The following C12orf54 variants were observed in gnomAD, a reference collection of about 807,000 sequenced individuals.
The protein encoded by C12orf54 is chromosome 12 open reading frame 54, also known as uncharacterized protein C12orf54.
In C12orf54, 24 loss-of-function variants were observed where a neutral mutation model predicts 26.4. That is an observed-to-expected ratio of 0.91 (90% CI 0.66 to 1.28). The LOEUF is 1.28. Ranked by LOEUF, C12orf54 falls within the 50% of genes most tolerant of loss-of-function variation. The pLI, the probability that C12orf54 is intolerant of heterozygous loss-of-function variation, is 0.00. For synonymous variants in C12orf54, 54 were observed against 47.0 expected (o/e 1.15, Z -0.61); for missense variants, 154 against 150.9 (o/e 1.02, Z -0.11).
At chr12:48,478,948 G>T (rs1954171865), upstream of C12orf54, among the ~76,000 whole-genome samples, 1 of 152,256 alleles carries the variant, frequency 6.6e-6, no homozygotes, top group African/African-American at 2.4e-5. Context: ...CCTTGTGGAA[G>T]TCAGTGTGGT....
intron 4 of C12orf54, chr12:48,487,927 G>A: frequency 3.2e-6 from 2 of 634,014 alleles, no homozygotes; most frequent in East Asian, 2.7e-5. Flanking sequence ...CCCTGGCCCT[G>A]GATCCTATAG....
chr12:48,438,437 ACAT>A, the C12orf54 span, among the ~76,000 whole-genome samples: 1 of 152,196 alleles, frequency 6.6e-6, no homozygotes, highest in African/African-American at 2.4e-5. Flanking sequence ...AAAAGAGCCC[ACAT>A]CATCAAGTCA....
At chr12:48,451,840 G>A in the C12orf54 span, among the ~76,000 whole-genome samples, 1 of 151,754 alleles carries the variant, frequency 6.6e-6, no homozygotes, top group East Asian at 1.9e-4. Flanking sequence ...AATCAGAAAT[G>A]GCACAAATAG....
At chr12:48,481,858 C>G (rs1341647071), upstream of C12orf54, among the ~76,000 whole-genome samples, 1 of 152,154 alleles carries the variant, frequency 6.6e-6, no homozygotes, top group African/African-American at 2.4e-5. Flanking sequence ...TGAGGCTGCT[C>G]CTCCAGGGGT....
the C12orf54 span, among the ~76,000 whole-genome samples, chr12:48,459,106 C>A: frequency 6.6e-5 from 10 of 152,252 alleles, no homozygotes; most frequent in African/African-American, 2.4e-4. Flanking sequence ...CCTTTTATTT[C>A]TTTACTTGCT....
the C12orf54 span, among the ~76,000 whole-genome samples, chr12:48,418,304 G>A: frequency 1.3e-5 from 2 of 152,166 alleles, no homozygotes; most frequent in Admixed American, 1.3e-4. Flanking sequence ...TCAATAAACG[G>A]CAAGGTAAGT....
upstream of C12orf54, among the ~76,000 whole-genome samples, chr12:48,477,513 G>T (rs1954155919): frequency 6.6e-6 from 1 of 152,036 alleles, no homozygotes; most frequent in South Asian, 2.1e-4. Flanking sequence ...GACTAATAAA[G>T]AAGAAAATAG....
At chr12:48,415,175 C>G in the C12orf54 span, among the ~76,000 whole-genome samples, 2 of 152,174 alleles carry the variant, frequency 1.3e-5, no homozygotes, top group Admixed American at 6.5e-5. Context: ...TGACCATATC[C>G]ATGAACACTC....
At chr12:48,475,590 A>G in the C12orf54 span, among the ~76,000 whole-genome samples, 12 of 152,246 alleles carry the variant, frequency 7.9e-5, no homozygotes, top group Admixed American at 5.9e-4. Context: ...CGAGAGCTAC[A>G]TGATGAATGC....
intron 4 of C12orf54, among the ~76,000 whole-genome samples, chr12:48,487,476 G>A (rs568662902): frequency 6.6e-6 from 1 of 152,128 alleles, no homozygotes; most frequent in Non-Finnish European, 1.5e-5. Context: ...GACATTCAAT[G>A]ACTCTTTACA....
chr12:48,462,452 AG>A, the C12orf54 span, among the ~76,000 whole-genome samples: 2 of 151,720 alleles, frequency 1.3e-5, no homozygotes, highest in African/African-American at 4.8e-5. Context: ...AAAACCAGAG[AG>A]CAATATCATT....
the C12orf54 span, among the ~76,000 whole-genome samples, chr12:48,453,209 C>A: frequency 6.6e-6 from 1 of 152,062 alleles, no homozygotes; most frequent in South Asian, 2.1e-4. Flanking sequence ...GAGCTGGAGA[C>A]CATTATCCTT....
At chr12:48,424,005 G>T in the C12orf54 span, among the ~76,000 whole-genome samples, 1 of 151,754 alleles carries the variant, frequency 6.6e-6, no homozygotes, top group Non-Finnish European at 1.5e-5. Context: ...ACAAGTTAAG[G>T]GTGTTCTCAT....
chr12:48,473,750 T>C, the C12orf54 span: 1 of 173,958 alleles, frequency 5.7e-6, no homozygotes, highest in African/African-American at 2.4e-5. Context: ...TGTTTCCTGG[T>C]ATTTTCCAAG....
the C12orf54 span, among the ~76,000 whole-genome samples, chr12:48,425,943 T>G: frequency 6.6e-6 from 1 of 151,038 alleles, no homozygotes; most frequent in Non-Finnish European, 1.5e-5. Flanking sequence ...TTTTTTTTTT[T>G]TTGTAAATTT....
the C12orf54 span, among the ~76,000 whole-genome samples, chr12:48,434,666 C>A: frequency 6.6e-6 from 1 of 152,176 alleles, no homozygotes; most frequent in Non-Finnish European, 1.5e-5. Flanking sequence ...TGGAGTGAAC[C>A]TCCAGGAAAC....
At chr12:48,486,430 G>A (rs1398878943) in intron 3 of C12orf54, 2 of 622,758 alleles carry the variant, frequency 3.2e-6, no homozygotes, top group East Asian at 2.7e-5. Flanking sequence ...AGGCTTACAG[G>A]CATTGAAAAG....
chr12:48,446,883 T>C, the C12orf54 span, among the ~76,000 whole-genome samples: 1 of 152,144 alleles, frequency 6.6e-6, no homozygotes, highest in African/African-American at 2.4e-5. Context: ...GTGGATACAT[T>C]TGACACAAAA....
the C12orf54 span, among the ~76,000 whole-genome samples, chr12:48,433,458 G>C: frequency 7.6e-4 from 84 of 110,364 alleles, 1 homozygote; most frequent in African/African-American, 2.9e-3. Context: ...TTTTTTTTGG[G>C]GGGGGGGGGG....
Sources: gnomAD v4.1 joint callset for allele counts (sites outside exome capture counted in the v4.1 genomes callset) on GRCh38, gnomAD v4.1.1 for gene constraint, MANE v1.5 for transcripts, NCBI Gene and HGNC (gene_info 2026-07-23, HGNC 2026-07-21) for gene names.